The following NCOA3 variants were observed in gnomAD, a reference collection of about 807,000 sequenced individuals.
NCOA3 encodes the protein nuclear receptor coactivator 3, also known as CBP-interacting protein.
In NCOA3, 51 loss-of-function variants were observed where a neutral mutation model predicts 158.8. The observed-to-expected ratio is 0.32, with a 90% CI of 0.26 to 0.41. The LOEUF (loss-of-function observed/expected upper bound fraction) is 0.41. Among genes scored for constraint, NCOA3 ranks in the 10% least tolerant of loss-of-function variants. The pLI, the probability that NCOA3 is intolerant of heterozygous loss-of-function variation, is 1.00. For synonymous variants in NCOA3, 537 were observed against 592.4 expected, an observed-to-expected ratio of 0.91 and a Z score of 1.36; for missense variants, 1,510 against 1,746.6, an observed-to-expected ratio of 0.86 and a Z score of 2.41.
Position 47,656,069 on chromosome 20 carries a change from G to A in NCOA3, c.*2652G>A, listed in dbSNP as rs1359274423. The A allele has an allele frequency of 6.7e-6, 1 of 149,186 alleles. No individual in the cohort carries two copies. Among genetic ancestry groups the A allele is most frequent in the African/African-American group, 2.5e-5 (1 of 40,498 alleles). 9.2% of individuals were successfully genotyped at this position (149,186 alleles called of 1,614,324 possible). A position where few individuals can be genotyped will look rare whatever the true frequency, so the allele number is the denominator to read the frequency against. Reference sequence around the variant, plus strand: ...TTTTTCAAACCTTGGTATCTGTTGGGTGAACAGTATAATCTTTTCATCTGC... The same window carrying A: ...TTTTTCAAACCTTGGTATCTGTTGGATGAACAGTATAATCTTTTCATCTGC... On this transcript the variant is annotated 3_prime_UTR_variant, in exon 23 of 23. Coordinates refer to ENST00000371998, the MANE Select transcript of NCOA3 (RefSeq NM_181659.3).
At chr20:47,524,291 A>T (rs2084390934) in intron 1 of NCOA3, among the ~76,000 whole-genome samples, 4 of 152,180 alleles carry the variant, frequency 2.6e-5, no homozygotes, top group Admixed American at 2.6e-4. Context: ...TGTTTCCCTG[A>T]ACTGTAAAGA....
At chr20:47,539,614 T>C (rs2084690288) in intron 1 of NCOA3, among the ~76,000 whole-genome samples, 1 of 152,250 alleles carries the variant, frequency 6.6e-6, no homozygotes, top group Non-Finnish European at 1.5e-5. Context: ...AGTTTATGAA[T>C]GGGTGTGAGG....
intron 1 of NCOA3, among the ~76,000 whole-genome samples, chr20:47,532,978 C>T (rs1468120835): frequency 1.3e-5 from 2 of 151,500 alleles, no homozygotes; most frequent in South Asian, 2.1e-4. Flanking sequence ...TGGTGGCGGG[C>T]GCCTGTAATC....
chr20:47,524,812 G>T (rs554681321), intron 1 of NCOA3, among the ~76,000 whole-genome samples: 1 of 152,098 alleles, frequency 6.6e-6, no homozygotes, highest in Non-Finnish European at 1.5e-5. Flanking sequence ...GCACAATCTC[G>T]GCTCCCTGCA....
chr20:47,614,669 T>C (rs1482000011), intron 2 of NCOA3, among the ~76,000 whole-genome samples: 1 of 152,114 alleles, frequency 6.6e-6, no homozygotes, highest in Non-Finnish European at 1.5e-5. Context: ...CATTTTAAGG[T>C]ATAGTTTGTA....
intron 1 of NCOA3, among the ~76,000 whole-genome samples, chr20:47,570,984 A>ATATGTGTGTGTG (rs1555805798): frequency 2.5e-5 from 3 of 120,762 alleles, no homozygotes; most frequent in African/African-American, 9.9e-5. Flanking sequence ...ATATACATAT[A>ATATGTGTGTGTG]TGTGTGTGTG....
intron 1 of NCOA3, among the ~76,000 whole-genome samples, chr20:47,517,497 C>G (rs2084254984): frequency 2.8e-5 from 4 of 143,420 alleles, no homozygotes; most frequent in African/African-American, 1.1e-4. Flanking sequence ...GTCGCCCAGG[C>G]TGGAGTGCAG....
intron 1 of NCOA3, among the ~76,000 whole-genome samples, chr20:47,529,495 C>T (rs2146103084): frequency 6.6e-6 from 1 of 152,310 alleles, no homozygotes; most frequent in South Asian, 2.1e-4. Context: ...TCACTGCAGC[C>T]TCCATCTCCT....
At chr20:47,503,284 C>T (rs1323473816) in intron 1 of NCOA3, among the ~76,000 whole-genome samples, 1 of 152,200 alleles carries the variant, frequency 6.6e-6, no homozygotes, top group Admixed American at 6.5e-5. Flanking sequence ...CTTAGGTCTT[C>T]AGCGAATGCT....
chr20:47,632,835 C>A (rs1324797940), intron 8 of NCOA3, among the ~76,000 whole-genome samples: 1 of 150,740 alleles, frequency 6.6e-6, no homozygotes, highest in Non-Finnish European at 1.5e-5. Context: ...GGCGCACACT[C>A]CCATGCCCAG....
chr20:47,578,056 T>A (rs2085398600), intron 1 of NCOA3, among the ~76,000 whole-genome samples: 1 of 152,202 alleles, frequency 6.6e-6, no homozygotes, highest in Non-Finnish European at 1.5e-5. Context: ...CTTACCAATG[T>A]TCTCCTGGGA....
intron 1 of NCOA3, among the ~76,000 whole-genome samples, chr20:47,551,107 A>G (rs1409796334): frequency 6.6e-6 from 1 of 152,178 alleles, no homozygotes; most frequent in East Asian, 1.9e-4. Flanking sequence ...TTCAGGAGAA[A>G]GGAAGAGTTG....
intron 1 of NCOA3, among the ~76,000 whole-genome samples, chr20:47,504,784 A>G (rs1569307782): frequency 6.6e-6 from 1 of 151,298 alleles, no homozygotes; most frequent in Admixed American, 6.6e-5. Context: ...AGCCTGGGCA[A>G]CAGAATGAGA....
intron 1 of NCOA3, among the ~76,000 whole-genome samples, chr20:47,562,239 G>C (rs927558159): frequency 6.6e-6 from 1 of 152,182 alleles, no homozygotes; most frequent in African/African-American, 2.4e-5. Flanking sequence ...TTGTGTGTAG[G>C]ATGTAAGTTT....
intron 1 of NCOA3, among the ~76,000 whole-genome samples, chr20:47,517,632 G>A (rs1351701484): frequency 6.6e-6 from 1 of 151,770 alleles, no homozygotes; most frequent in Non-Finnish European, 1.5e-5. Flanking sequence ...TGTATTTTTA[G>A]TAGAGACGGG....
chr20:47,531,195 C>T (rs188574856), intron 1 of NCOA3, among the ~76,000 whole-genome samples: 29 of 152,108 alleles, frequency 1.9e-4, no homozygotes, highest in African/African-American at 6.7e-4. Context: ...AAAAATTAAC[C>T]GGGTTTGGTG....
intron 8 of NCOA3, among the ~76,000 whole-genome samples, chr20:47,632,463 C>G (rs2086435717): frequency 6.6e-6 from 1 of 150,776 alleles, no homozygotes; most frequent in Admixed American, 6.6e-5. Context: ...TCTCAGCTCA[C>G]TGTAACCTCT....
At chr20:47,652,860 A>T in intron 21 of NCOA3, 71 bp from the exon 22 acceptor site, 1 of 1,519,522 alleles carries the variant, frequency 6.6e-7, no homozygotes, top group Non-Finnish European at 9.1e-7. Context: ...CAATTGTAGT[A>T]ATTTCTGTGG....
intron 2 of NCOA3, among the ~76,000 whole-genome samples, chr20:47,606,324 T>C (rs1315783165): frequency 6.6e-6 from 1 of 152,240 alleles, no homozygotes; most frequent in Non-Finnish European, 1.5e-5. Context: ...ATAATGCTAA[T>C]GTGTTATTTG....
Sources: gnomAD v4.1 joint callset for allele counts (sites outside exome capture counted in the v4.1 genomes callset) on GRCh38, gnomAD v4.1.1 for gene constraint, MANE v1.5 for transcripts, NCBI Gene and HGNC (gene_info 2026-07-23, HGNC 2026-07-21) for gene names.